Variants in TMOD1 observed in about 807,000 individuals in gnomAD.
TMOD1 encodes tropomodulin-1.
Under a neutral mutation model 40.6 loss-of-function variants are expected in TMOD1, and 17 were observed. The ratio of observed to expected loss-of-function variants is 0.42; its 90% confidence interval spans 0.29 to 0.63. The LOEUF is 0.63. Among genes scored for constraint, TMOD1 ranks in the 20% least tolerant of loss-of-function variants. The pLI is 0.22. For synonymous variants in TMOD1, 181 were observed against 175.0 expected, an observed-to-expected ratio of 1.03 and a Z score of -0.27; for missense variants, 391 against 447.6, an observed-to-expected ratio of 0.87 and a Z score of 1.14.
chr9:97,518,163 G>A (rs1216267359), intron 1 of TMOD1, among the ~76,000 whole-genome samples: 1 of 152,314 alleles, frequency 6.6e-6, no homozygotes, highest in East Asian at 1.9e-4. Flanking sequence ...AGCTGCACCT[G>A]TGAATGTGAC....
chr9:97,588,299 G>A (rs1485834492), intron 8 of TMOD1, among the ~76,000 whole-genome samples: 2 of 152,158 alleles, frequency 1.3e-5, no homozygotes, highest in Non-Finnish European at 2.9e-5. Flanking sequence ...CTTGGTATGT[G>A]TGAAGTGGAA....
intron 8 of TMOD1, among the ~76,000 whole-genome samples, chr9:97,589,990 C>T (rs1825967760): frequency 6.6e-6 from 1 of 151,896 alleles, no homozygotes; most frequent in African/African-American, 2.4e-5. Context: ...TTTTTTTCTG[C>T]ATTATGTATA....
At chr9:97,586,316 C>T (rs569633392) in intron 8 of TMOD1, among the ~76,000 whole-genome samples, 27 of 152,292 alleles carry the variant, frequency 1.8e-4, no homozygotes, top group Non-Finnish European at 2.8e-4. Flanking sequence ...TTAGGCTGCC[C>T]GGGGGTCAGG....
At chr9:97,538,744 C>T (rs1830227938) in intron 2 of TMOD1, among the ~76,000 whole-genome samples, 1 of 152,048 alleles carries the variant, frequency 6.6e-6, no homozygotes, top group Admixed American at 6.5e-5. Flanking sequence ...TGCCTGTAAT[C>T]CCAGCACTTT....
intron 4 of TMOD1, among the ~76,000 whole-genome samples, chr9:97,560,812 G>A (rs1328626133): frequency 4.6e-5 from 7 of 151,614 alleles, no homozygotes; most frequent in East Asian, 1.9e-4. Flanking sequence ...ACTGTGAGCC[G>A]AGATCTCGCC....
Position 97,599,928 on chromosome 9 carries a change from A to AAAACT in TMOD1, c.*232_*236dup, listed in dbSNP as rs1826215386. On this transcript the variant is annotated 3_prime_UTR_variant, in exon 10 of 10. Coordinates refer to ENST00000259365, the MANE Select transcript of TMOD1 (RefSeq NM_003275.4). ...AGAAGTTGAATCTGGTTATTATTTA[A>AAAACT]AAACTAGAAGCCCCCAAACCAGCAG... 2.3e-6 allele frequency: 3 copies of AAAACT among 1,299,772 alleles called. No homozygotes were observed. Among genetic ancestry groups the AAAACT allele is most frequent in the Admixed American group, 6.4e-5 (2 of 31,198 alleles). The allele number at this position is 1,299,772 out of a possible 1,614,324, so 80.5% of individuals were successfully genotyped here.
chr9:97,586,379 C>G (rs7039351), intron 8 of TMOD1, among the ~76,000 whole-genome samples: 1 of 150,480 alleles, frequency 6.6e-6, no homozygotes, highest in African/African-American at 2.5e-5. Flanking sequence ...TCTCCAGCTG[C>G]GTGCTGGGAG....
chr9:97,579,246 C>T (rs975380697), intron 8 of TMOD1, among the ~76,000 whole-genome samples: 1 of 152,152 alleles, frequency 6.6e-6, no homozygotes, highest in Non-Finnish European at 1.5e-5. Context: ...GCTGGGCTGA[C>T]GTCGCCTCTA....
chr9:97,592,718 A>T (rs1826026759), intron 9 of TMOD1, among the ~76,000 whole-genome samples: 1 of 152,198 alleles, frequency 6.6e-6, no homozygotes, highest in African/African-American at 2.4e-5. Flanking sequence ...ACATGCACAG[A>T]TAACCACAGG....
At chr9:97,567,959 G>A (rs776124972) in intron 7 of TMOD1, among the ~76,000 whole-genome samples, 8 of 152,102 alleles carry the variant, frequency 5.3e-5, no homozygotes, top group Admixed American at 1.3e-4. Context: ...ATGACGCATC[G>A]TTTCCACCAA....
intron 8 of TMOD1, among the ~76,000 whole-genome samples, chr9:97,573,043 G>A (rs1287316523): frequency 6.6e-6 from 1 of 152,242 alleles, no homozygotes; most frequent in Admixed American, 6.5e-5. Context: ...GGACTAGCCT[G>A]AGGCCACAGG....
chr9:97,577,355 GC>G (rs781550920), intron 8 of TMOD1, among the ~76,000 whole-genome samples: 1 of 152,210 alleles, frequency 6.6e-6, no homozygotes, highest in Non-Finnish European at 1.5e-5. Context: ...ATTCTCAGAG[GC>G]ACTTAAGTGA....
chr9:97,515,915 T>C (rs1829798225), intron 1 of TMOD1, among the ~76,000 whole-genome samples: 1 of 152,174 alleles, frequency 6.6e-6, no homozygotes, highest in Non-Finnish European at 1.5e-5. Flanking sequence ...AGTAGTTATA[T>C]TTTTATGCGC....
chr9:97,505,928 C>T (rs531612164), intron 1 of TMOD1, among the ~76,000 whole-genome samples: 61 of 152,288 alleles, frequency 4.0e-4, no homozygotes, highest in African/African-American at 7.0e-4. Context: ...TCTTCACCTG[C>T]GTCAATTGTC....
In TMOD1 at chr9:97,537,685, A is replaced by G. The variant is rs573938482; in HGVS notation, c.121-8500A>G. Among the ~76,000 whole-genome samples, 527 of 152,352 alleles carry G rather than the reference A, an allele frequency of 3.5e-3. 2 individuals are homozygous for G. The highest frequency in any genetic ancestry group is 5.5e-3 in the Non-Finnish European group (377 of 68,034). On this transcript the variant is annotated intron_variant, in intron 2 of 9. Transcript: ENST00000259365. ...TCAGGAGTTGGCAACTGCACACAGG[A>G]AAAGTTGCCTAATTTCCACCTCTAT...
At position 97,568,956 on chromosome 9, in the gene TMOD1, C is replaced by G. The variant is rs780679792; in HGVS notation, c.789C>G (p.Phe263Leu). ...VLKTLNVESN[F>L]ISGAGILRLV... ...AGACACTGAATGTGGAATCCAACTTCATTTCTGGAGCTGGGATTCTGCGCC... is the reference window on the plus strand; with the variant it reads ...AGACACTGAATGTGGAATCCAACTTGATTTCTGGAGCTGGGATTCTGCGCC... Residue 263 changes from phenylalanine (F) to leucine (L), a missense_variant, in exon 8 of 10, where the codon TTC becomes TTG. By Grantham distance (22) the Phe-to-Leu change is conservative. Transcript: ENST00000259365. The G allele has an allele frequency of 6.2e-7, 1 of 1,614,074 alleles. No individual in the cohort carries two copies. The highest frequency in any genetic ancestry group is 1.3e-5 in the African/African-American group (1 of 74,928).
At chr9:97,510,451 G>A (rs577937636) in intron 1 of TMOD1, among the ~76,000 whole-genome samples, 12 of 152,082 alleles carry the variant, frequency 7.9e-5, no homozygotes, top group Non-Finnish European at 1.3e-4. Flanking sequence ...GGCTGGTCTC[G>A]AACTCCTGAC....
intron 2 of TMOD1, among the ~76,000 whole-genome samples, chr9:97,536,095 G>A (rs762998611): frequency 1.7e-4 from 26 of 152,140 alleles, no homozygotes; most frequent in Non-Finnish European, 3.1e-4. Context: ...TGAGAAGAGC[G>A]CTCCACTGCA....
At chr9:97,536,032 G>T (rs772976808) in intron 2 of TMOD1, among the ~76,000 whole-genome samples, 1 of 152,158 alleles carries the variant, frequency 6.6e-6, no homozygotes, top group Non-Finnish European at 1.5e-5. Context: ...CTGTGACTGA[G>T]GCAAGAGTTG....
Sources: allele counts gnomAD v4.1 joint callset (sites outside exome capture counted in the v4.1 genomes callset), GRCh38; gene constraint gnomAD v4.1.1; transcripts MANE v1.5; gene names NCBI Gene and HGNC (gene_info 2026-07-23, HGNC 2026-07-21).